The following SPAG6 variants were observed in gnomAD, a reference collection of about 807,000 sequenced individuals.
The protein encoded by SPAG6 is sperm-associated antigen 6.
A neutral mutation model predicts 58.5 loss-of-function variants in SPAG6; 49 were observed. That is an observed-to-expected ratio of 0.84 (90% CI 0.67 to 1.06). The LOEUF (loss-of-function observed/expected upper bound fraction) is 1.06. SPAG6 is among the 50% of genes least tolerant of loss of function. The pLI is 0.00. For synonymous variants in SPAG6, 233 were observed against 225.6 expected (o/e 1.03, Z -0.29); for missense variants, 560 against 611.3 (o/e 0.92, Z 0.89).
chr10:22,399,807 A>G (rs1010132220), intron 8 of SPAG6, among the ~76,000 whole-genome samples: 1 of 152,200 alleles, frequency 6.6e-6, no homozygotes, highest in African/African-American at 2.4e-5. Context: ...TTTCACTGAT[A>G]ACAGTGAAGT....
intron 10 of SPAG6, 74 bp from the exon 11 acceptor site, chr10:22,416,545 C>T: frequency 1.2e-6 from 1 of 849,360 alleles, no homozygotes; most frequent in Non-Finnish European, 2.0e-6. Context: ...TCAGATAAAT[C>T]CCCTATATTG....
intron 7 of SPAG6, among the ~76,000 whole-genome samples, chr10:22,390,480 C>T (rs1013205893): frequency 1.4e-4 from 21 of 152,110 alleles, no homozygotes; most frequent in Admixed American, 1.0e-3. Flanking sequence ...CCAGCAGTTT[C>T]GGGCAAGCCA....
In SPAG6 at chr10:22,387,864, C is replaced by T. The variant is rs764210337; in HGVS notation, c.720C>T (p.Ser240=). The T allele has an allele frequency of 9.9e-6, 16 of 1,612,960 alleles. No homozygotes were observed. Among genetic ancestry groups the T allele is most frequent in the South Asian group, 9.9e-5 (9 of 90,968 alleles). Residue 240 remains serine, a synonymous_variant, in exon 6 of 11, where the codon TCC becomes TCT. Coordinates refer to ENST00000376624, the MANE Select transcript of SPAG6 (RefSeq NM_012443.4). Reference sequence around the variant, plus strand: ...CTCTCAGTCAGGTTTCAAAACATTCCGTGGATCTGGCAGAAATGGTTGTTG... The same window carrying T: ...CTCTCAGTCAGGTTTCAAAACATTCTGTGGATCTGGCAGAAATGGTTGTTG... The part of the protein sequence containing the change: ...LSALSQVSKH[S]VDLAEMVVEA...
At chr10:22,367,379 T>C (rs1374973805) in intron 3 of SPAG6, among the ~76,000 whole-genome samples, 1 of 152,164 alleles carries the variant, frequency 6.6e-6, no homozygotes, top group East Asian at 1.9e-4. Flanking sequence ...ACATCAGTAC[T>C]AATATAGCAT....
At chr10:22,363,798 G>T (rs189988936) in intron 2 of SPAG6, among the ~76,000 whole-genome samples, 1 of 152,124 alleles carries the variant, frequency 6.6e-6, no homozygotes, top group Non-Finnish European at 1.5e-5. Context: ...ATTTGCTTTT[G>T]TGTATAACTA....
At chr10:22,357,485 C>A (rs1459457418) in intron 2 of SPAG6, among the ~76,000 whole-genome samples, 1 of 151,886 alleles carries the variant, frequency 6.6e-6, no homozygotes, top group African/African-American at 2.4e-5. Context: ...TTTAATAGTT[C>A]TTAATTACAA....
intron 4 of SPAG6, among the ~76,000 whole-genome samples, chr10:22,373,219 C>T (rs771162260): frequency 2.0e-5 from 3 of 152,068 alleles, no homozygotes; most frequent in Admixed American, 6.6e-5. Flanking sequence ...CTGATGTGGA[C>T]GTGACGGAAA....
rs1403978114 is a variant in SPAG6 at position 22,345,543 on chromosome 10, C to T, written c.-69C>T. ...GCCGAGTCGTCGCCACGATCGCCCC[C>T]TTGGTGGACTCGCAGGCCGAGCGGC... On this transcript the variant is annotated 5_prime_UTR_variant, in exon 1 of 11. Coordinates refer to ENST00000376624, the MANE Select transcript of SPAG6 (RefSeq NM_012443.4). This position sits in a 1 kb window ranked among gnomAD's most constrained non-coding sequence, Gnocchi z 6.3. 5.1e-6 allele frequency: 7 copies of T among 1,381,904 alleles called. No individual in the cohort carries two copies. The highest frequency in any genetic ancestry group is 2.6e-5 in the South Asian group (2 of 77,148). The allele number at this position is 1,381,904 out of a possible 1,614,324, so 85.6% of individuals were successfully genotyped here.
intron 8 of SPAG6, among the ~76,000 whole-genome samples, chr10:22,392,629 C>T (rs1834208074): frequency 6.6e-6 from 1 of 151,910 alleles, no homozygotes; most frequent in Non-Finnish European, 1.5e-5. Context: ...GTAAAATTGA[C>T]TTGGTTTGAG....
intron 8 of SPAG6, among the ~76,000 whole-genome samples, chr10:22,398,703 T>C (rs1203276270): frequency 6.6e-6 from 1 of 152,158 alleles, no homozygotes; most frequent in Non-Finnish European, 1.5e-5. Flanking sequence ...CACTGTAGCC[T>C]GGGTAACAAA....
chr10:22,392,485 C>T (rs1157441884), intron 8 of SPAG6, among the ~76,000 whole-genome samples: 2 of 151,720 alleles, frequency 1.3e-5, no homozygotes, highest in East Asian at 3.9e-4. Flanking sequence ...TTACTAGCTA[C>T]TAAAATGCTT....
intron 3 of SPAG6, among the ~76,000 whole-genome samples, chr10:22,368,066 T>A (rs375651681): frequency 6.6e-6 from 1 of 152,200 alleles, no homozygotes; most frequent in South Asian, 2.1e-4. Flanking sequence ...GCTTAAAGAC[T>A]GAGGGCAAGT....
At chr10:22,393,423 A>G (rs1050084901) in intron 8 of SPAG6, among the ~76,000 whole-genome samples, 4 of 152,162 alleles carry the variant, frequency 2.6e-5, no homozygotes, top group African/African-American at 9.6e-5. Flanking sequence ...TACTTTTTAT[A>G]TACTACTACC....
At chr10:22,388,820 C>T (rs929388130) in intron 6 of SPAG6, among the ~76,000 whole-genome samples, 2 of 152,148 alleles carry the variant, frequency 1.3e-5, no homozygotes, top group Admixed American at 1.3e-4. Context: ...CTGCTTCATA[C>T]TCACCCATTG....
At chr10:22,352,050 C>G (rs560850232) in intron 2 of SPAG6, among the ~76,000 whole-genome samples, 2 of 151,968 alleles carry the variant, frequency 1.3e-5, no homozygotes, top group Non-Finnish European at 2.9e-5. Context: ...GTCCCAGCTA[C>G]TCGGAGAGGC....
At chr10:22,414,383 G>A (rs985196395) in intron 10 of SPAG6, among the ~76,000 whole-genome samples, 19 of 152,258 alleles carry the variant, frequency 1.2e-4, no homozygotes, top group African/African-American at 3.4e-4. Context: ...GGTTCTTTCC[G>A]AAGGAGTACG....
At chr10:22,409,564 CT>C (rs1175425292) in intron 9 of SPAG6, among the ~76,000 whole-genome samples, 2 of 152,074 alleles carry the variant, frequency 1.3e-5, no homozygotes, top group Non-Finnish European at 2.9e-5. Context: ...TGGAGATAAA[CT>C]TTTTTTAAAA....
chr10:22,410,674 G>A (rs1273332069), intron 9 of SPAG6, among the ~76,000 whole-genome samples: 2 of 152,144 alleles, frequency 1.3e-5, no homozygotes, highest in African/African-American at 2.4e-5. Flanking sequence ...TGGCTGGAGA[G>A]GTATTTAGGA....
At chr10:22,360,136 A>G (rs1324058485) in intron 2 of SPAG6, among the ~76,000 whole-genome samples, 2 of 152,132 alleles carry the variant, frequency 1.3e-5, no homozygotes, top group South Asian at 4.1e-4. Context: ...AGGCTATTTT[A>G]TAATCTCCTT....
Sources: allele counts gnomAD v4.1 joint callset (sites outside exome capture counted in the v4.1 genomes callset), GRCh38; gene constraint gnomAD v4.1.1; non-coding constraint Gnocchi (gnomAD v3.1); transcripts MANE v1.5; gene names NCBI Gene and HGNC (gene_info 2026-07-23, HGNC 2026-07-21).